Variants in PDZD7 observed in about 807,000 individuals in gnomAD.
The protein encoded by PDZD7 is PDZ domain containing 7, also known as PDZ domain-containing protein 7.
PDZD7 carries 72 observed loss-of-function variants against 84.7 expected under a neutral mutation model. The observed-to-expected ratio is 0.85, with a 90% CI of 0.70 to 1.03. The LOEUF (loss-of-function observed/expected upper bound fraction) is 1.03, where lower values mean the gene tolerates loss of function less well. Ranked by LOEUF, PDZD7 falls within the 50% of genes least tolerant of loss-of-function variation. The probability of loss-of-function intolerance (pLI) is 0.00; values close to 1 mark genes in which losing one functional copy is unlikely to be tolerated. For missense variants in PDZD7, 1,490 were observed against 1,412.9 expected, an observed-to-expected ratio of 1.05 and a Z score of -0.87; for synonymous variants, 594 against 580.7, an observed-to-expected ratio of 1.02 and a Z score of -0.33.
chr10:101,023,083 T>A (rs1433714088), intron 4 of PDZD7: 1 of 194,668 alleles, frequency 5.1e-6, no homozygotes, highest in African/African-American at 2.7e-5. Flanking sequence ...TTTTTTTTTT[T>A]TTTTTTTTTT....
chr10:101,010,519 C>T lies in PDZD7; in HGVS notation c.2370G>A (p.Lys790=), dbSNP rs1852357303. ...SRSRSSRGQG[K]SPGRRSPSPV... ...GGGATGGGGAGCGTCTACCTGGAGA[C>T]TTGCCTTGACCCCGGCTGCTGCGGC... The change falls in exon 15 of 17, where the codon AAG becomes AAA. Residue 790 remains lysine, a synonymous_variant. Coordinates refer to ENST00000619208, the MANE Select transcript of PDZD7 (RefSeq NM_001195263.2). 3 of 1,531,486 alleles carry T rather than the reference C, an allele frequency of 2.0e-6. No individual in the cohort carries two copies. Among genetic ancestry groups the T allele is most frequent in the African/African-American group, 1.4e-5 (1 of 72,908 alleles). 94.9% of individuals were successfully genotyped at this position (1,531,486 alleles called of 1,614,324 possible).
chr10:101,020,743 GC>G, intron 6 of PDZD7, 65 bp from the exon 7 acceptor site: 1 of 1,205,602 alleles, frequency 8.3e-7, no homozygotes, highest in Non-Finnish European at 1.2e-6. Context: ...TGAGAATGGG[GC>G]GGGGGTGACA....
chr10:101,023,724 T>C, intron 3 of PDZD7, 114 bp from the exon 4 acceptor site: 1 of 1,460,362 alleles, frequency 6.8e-7, no homozygotes, highest in East Asian at 2.3e-5. Flanking sequence ...GTGAGGATTG[T>C]CAGAGCAGGG....
chr10:101,019,073 C>G lies in PDZD7; in HGVS notation c.1073G>C (p.Ser358Thr). ...DICLGQEEPGSRGPGWGRADT... is the reference protein window; with the variant it reads ...DICLGQEEPGTRGPGWGRADT... The stretch of plus-strand genomic sequence containing the variant: ...CGCCCGCCCCCAGCCTGGGCCGCGG[C>G]TGCCGGGCTCCTCCTGCCCGAGGCA... The change falls in exon 8 of 17, where the codon AGC (serine) becomes ACC (threonine). Residue 358 changes from serine to threonine, a missense_variant. By Grantham distance (58) the Ser-to-Thr change is moderately conservative (BLOSUM62 1). Transcript: ENST00000619208. 1 of 1,572,102 alleles carries G rather than the reference C, an allele frequency of 6.4e-7. No homozygotes were observed. The highest frequency in any genetic ancestry group is 8.6e-7 in the Non-Finnish European group (1 of 1,165,524).
At position 101,016,265 on chromosome 10, in the gene PDZD7, A is replaced by G. The variant is rs536969566; in HGVS notation, c.1573+112T>C. The G allele has an allele frequency of 2.6e-4, 285 of 1,112,790 alleles. 3 individuals are homozygous for G. In the South Asian group the frequency reaches 3.3e-3, roughly 13 times the overall value. The allele number at this position is 1,112,790 out of a possible 1,614,324, so 68.9% of individuals were successfully genotyped here. On this transcript the variant is annotated intron_variant, in intron 10 of 16. Transcript: ENST00000619208. Reference sequence around the variant, plus strand: ...TACCATTCTAGCTGCCTGATCCCCCATGCTTGACCCTGACTGAATTTAGTC... The same window carrying G: ...TACCATTCTAGCTGCCTGATCCCCCGTGCTTGACCCTGACTGAATTTAGTC...
At chr10:101,019,247 C>T (rs1168512992) in intron 7 of PDZD7, 30 bp from the exon 8 acceptor site, 5 of 1,534,882 alleles carry the variant, frequency 3.3e-6, no homozygotes, top group Non-Finnish European at 4.4e-6. Context: ...CAGGGATCAG[C>T]GGGCTTGCTT....
rs372522696 is a variant in PDZD7, at chr10:101,008,283, C to T, written c.*184G>A. 1.5e-4 allele frequency: 104 copies of T among 686,578 alleles called. No homozygotes were observed. The African/African-American group carries it at 1.6e-3, about 11-fold the overall frequency. The allele number at this position is 686,578 out of a possible 1,614,324, so 42.5% of individuals were successfully genotyped here. ...TGCCCACTAGCACCTTGTCCTTGGACACTAAGGCAGAGCCTTAATGACAGC... is the reference window on the plus strand; with the variant it reads ...TGCCCACTAGCACCTTGTCCTTGGATACTAAGGCAGAGCCTTAATGACAGC... On this transcript the variant is annotated 3_prime_UTR_variant, in exon 17 of 17. Transcript: ENST00000619208.
chr10:101,024,418 A>AT (rs1207213592), intron 2 of PDZD7, among the ~76,000 whole-genome samples: 1 of 151,566 alleles, frequency 6.6e-6, no homozygotes, highest in Middle Eastern at 3.2e-3. Flanking sequence ...TTAATTTTAA[A>AT]TTTTTTGTAG....
intron 9 of PDZD7, 137 bp from the exon 10 acceptor site, chr10:101,016,564 G>A: frequency 1.1e-6 from 1 of 872,860 alleles, no homozygotes; most frequent in Non-Finnish European, 1.8e-6. Flanking sequence ...GCCTGGCCCT[G>A]AGGGGCTTGA....
At chr10:101,023,696 C>G in intron 3 of PDZD7, 86 bp from the exon 4 acceptor site, 2 of 1,528,970 alleles carry the variant, frequency 1.3e-6, no homozygotes, top group Non-Finnish European at 1.8e-6. Context: ...TGGGGTCAAA[C>G]TGAGCTTCTC....
At chr10:101,022,924 C>T (rs1211654494) in intron 4 of PDZD7, among the ~76,000 whole-genome samples, 1 of 152,116 alleles carries the variant, frequency 6.6e-6, no homozygotes, top group African/African-American at 2.4e-5. Context: ...AGGCATGCTC[C>T]ACCACGCTCG....
chr10:101,027,712 C>T (rs994116945), intron 2 of PDZD7, among the ~76,000 whole-genome samples: 2 of 152,172 alleles, frequency 1.3e-5, no homozygotes, highest in Non-Finnish European at 2.9e-5. Flanking sequence ...CCTTTGTCGT[C>T]GTTCGCTTAT....
In PDZD7 at chr10:101,021,782, C is replaced by A. The variant is rs757175190; in HGVS notation, c.867+16G>T. On this transcript the variant is annotated intron_variant, in intron 6 of 16. Coordinates refer to ENST00000619208, the MANE Select transcript of PDZD7 (RefSeq NM_001195263.2). ...ACTCTAGCCTCACCTCTCCCTACCC[C>A]CACTGTTCTGCCCACCTTGATGGTC... 5.0e-6 allele frequency: 8 copies of A among 1,614,104 alleles called. No homozygotes were observed. The highest frequency in any genetic ancestry group is 6.8e-6 in the Non-Finnish European group (8 of 1,180,046).
At position 101,029,980 on chromosome 10, in the gene PDZD7, GGTCCCGCCCCTA is replaced by G. The variant is rs1374553365; in HGVS notation, c.226+2_226+13del. 1 of 1,607,790 alleles carries G rather than the reference GGTCCCGCCCCTA, an allele frequency of 6.2e-7. No homozygotes were observed. The highest frequency in any genetic ancestry group is 1.1e-5 in the South Asian group (1 of 90,916). On this transcript the variant is annotated splice_donor_variant and splice_donor_5th_base_variant and intron_variant, in intron 2 of 16. Coordinates refer to ENST00000619208, the MANE Select transcript of PDZD7 (RefSeq NM_001195263.2). LOFTEE classifies it high-confidence loss of function. ...CCTCCCCAACCCAGGCCAGTGGCTG[GGTCCCGCCCCTA>G]CCTTCGATGGGGGAGTTGATGAGGA...
chr10:101,022,000 C>A, intron 5 of PDZD7, 55 bp from the exon 6 acceptor site: 1 of 1,601,076 alleles, frequency 6.2e-7, no homozygotes, highest in South Asian at 1.1e-5. Flanking sequence ...TCCGTTACCC[C>A]ACTCCAGACC....
intron 9 of PDZD7, 177 bp downstream of exon 9, chr10:101,017,917 GAAAGA>G (rs1852790789): frequency 3.8e-6 from 2 of 532,932 alleles, no homozygotes; most frequent in African/African-American, 4.1e-5. Context: ...AGAAAGAAAA[GAAAGA>G]AAGAAAAAGA....
Position 101,011,707 on chromosome 10 carries a change from A to AG in PDZD7, c.1987dup (p.Leu663ProfsTer7), listed in dbSNP as rs1564628151. 14 of 1,540,796 alleles carry AG rather than the reference A, an allele frequency of 9.1e-6. No individual in the cohort carries two copies. Among genetic ancestry groups the AG allele is most frequent in the East Asian group, 2.4e-5 (1 of 40,914 alleles). On this transcript the variant is annotated frameshift_variant, in exon 14 of 17. Coordinates refer to ENST00000619208, the MANE Select transcript of PDZD7 (RefSeq NM_001195263.2). LOFTEE classifies it high-confidence loss of function. ...TGACTGACCAGGCACGGGGGTGATAAGGTGACGCTTGGGTGGCGTGTCCTG... is the reference window on the plus strand; with the variant it reads ...TGACTGACCAGGCACGGGGGTGATAAGGGTGACGCTTGGGTGGCGTGTCCTG...
chr10:101,030,585 C>T (rs373096436), intron 1 of PDZD7: 1 of 432,604 alleles, frequency 2.3e-6, no homozygotes, highest in South Asian at 2.1e-5. Flanking sequence ...AGGTGGGAAC[C>T]TTTCACCCCT....
At chr10:101,024,269 G>T (rs772533336) in intron 2 of PDZD7, among the ~76,000 whole-genome samples, 1 of 152,148 alleles carries the variant, frequency 6.6e-6, no homozygotes, top group East Asian at 1.9e-4. Context: ...AAAGAAACAG[G>T]GTCTTGCTCT....
Sources: allele counts gnomAD v4.1 joint callset (sites outside exome capture counted in the v4.1 genomes callset), GRCh38; gene constraint gnomAD v4.1.1; transcripts MANE v1.5; gene names NCBI Gene and HGNC (gene_info 2026-07-23, HGNC 2026-07-21).